LARGE1: variants seen among roughly 807,000 people sequenced by gnomAD.
The protein encoded by LARGE1 is LARGE xylosyl- and glucuronyltransferase 1, also known as xylosyl- and glucuronyltransferase LARGE1.
In LARGE1, 43 loss-of-function variants were observed where a neutral mutation model predicts 87.6. The observed-to-expected ratio is 0.49, with a 90% CI of 0.38 to 0.63. LARGE1 has a LOEUF of 0.63. LARGE1 is among the 30% of genes least tolerant of loss of function. The pLI, the probability that LARGE1 is intolerant of heterozygous loss-of-function variation, is 0.00. For synonymous variants in LARGE1, 434 were observed against 394.6 expected (o/e 1.10, Z -1.18); for missense variants, 802 against 1,000.2 (o/e 0.80, Z 2.67).
At chr22:33,395,158 G>A (rs1342874731) in intron 7 of LARGE1, among the ~76,000 whole-genome samples, 2 of 150,358 alleles carry the variant, frequency 1.3e-5, no homozygotes, top group Non-Finnish European at 2.9e-5. Context: ...GAACCCCGGA[G>A]GCGGAGCTTG....
the LARGE1 span, among the ~76,000 whole-genome samples, chr22:33,073,306 T>C: frequency 6.6e-6 from 1 of 152,148 alleles, no homozygotes; most frequent in African/African-American, 2.4e-5. Flanking sequence ...CTCTGTAGAG[T>C]GGGGCTGAAA....
chr22:33,283,282 T>C lies in LARGE1; in HGVS notation c.1797A>G (p.Thr599=). The change falls in exon 13 of 15, where the codon ACA becomes ACG. Residue 599 remains threonine (T), a synonymous_variant. Transcript: ENST00000397394. Reference sequence around the variant, plus strand: ...TGGGGAAGGACAGCCGGTAGCGCAGTGTCTCGAACGCGGGGACAATCATTG... The same window carrying C: ...TGGGGAAGGACAGCCGGTAGCGCAGCGTCTCGAACGCGGGGACAATCATTG... The part of the protein sequence containing the change: ...KKAMIVPAFE[T]LRYRLSFPKS... The C allele has an allele frequency of 6.2e-7, 1 of 1,614,152 alleles. No individual in the cohort carries two copies. Among genetic ancestry groups the C allele is most frequent in the Non-Finnish European group, 8.5e-7 (1 of 1,180,032 alleles).
At chr22:33,421,169 G>A (rs9609786) in intron 7 of LARGE1, among the ~76,000 whole-genome samples, 1 of 151,964 alleles carries the variant, frequency 6.6e-6, no homozygotes, top group African/African-American at 2.4e-5. Context: ...AGCCTTGGGC[G>A]ACAGAGTGAG....
the LARGE1 span, among the ~76,000 whole-genome samples, chr22:33,103,859 A>G: frequency 6.6e-6 from 1 of 152,180 alleles, no homozygotes; most frequent in African/African-American, 2.4e-5. Flanking sequence ...TTCTCGTGGT[A>G]GTGAATATGT....
intron 2 of LARGE1, among the ~76,000 whole-genome samples, chr22:33,655,176 T>A (rs535668532): frequency 5.3e-5 from 8 of 152,276 alleles, no homozygotes; most frequent in African/African-American, 1.2e-4. Context: ...TGTTTTTTTT[T>A]AAAGGTGTTT....
intron 7 of LARGE1, among the ~76,000 whole-genome samples, chr22:33,419,692 TTTTG>T (rs1393930708): frequency 4.6e-5 from 7 of 152,148 alleles, no homozygotes; most frequent in East Asian, 1.9e-4. Context: ...TGTTGTTGTT[TTTTG>T]TTTGTTTGTT....
chr22:33,630,167 C>G (rs967356982), intron 3 of LARGE1, among the ~76,000 whole-genome samples: 7 of 151,972 alleles, frequency 4.6e-5, no homozygotes, highest in African/African-American at 1.7e-4. Context: ...CCATTGCACT[C>G]CAGCCTGGGC....
At chr22:33,155,936 C>A in the LARGE1 span, among the ~76,000 whole-genome samples, 1 of 149,068 alleles carries the variant, frequency 6.7e-6, no homozygotes, top group African/African-American at 2.5e-5. Flanking sequence ...CAAGGTACAG[C>A]TCGGGCTGTT....
intron 2 of LARGE1, among the ~76,000 whole-genome samples, chr22:33,754,445 C>G (rs1302127786): frequency 2.6e-5 from 4 of 152,090 alleles, no homozygotes; most frequent in Admixed American, 2.6e-4. Context: ...ATGCCATTCA[C>G]CTGCCCCAGC....
intron 12 of LARGE1, among the ~76,000 whole-genome samples, chr22:33,289,946 T>A (rs1436316747): frequency 6.6e-6 from 1 of 151,928 alleles, no homozygotes; most frequent in Non-Finnish European, 1.5e-5. Flanking sequence ...GGAGGGGATG[T>A]GAGTGTGAGT....
chr22:33,823,139 T>C (rs192007664), intron 1 of LARGE1, among the ~76,000 whole-genome samples: 10 of 152,226 alleles, frequency 6.6e-5, no homozygotes, highest in Non-Finnish European at 1.0e-4. Context: ...CAAATATAAA[T>C]GATGTATTAA....
At chr22:33,670,944 G>GA (rs1461891320) in intron 2 of LARGE1, among the ~76,000 whole-genome samples, 2 of 152,110 alleles carry the variant, frequency 1.3e-5, no homozygotes, top group African/African-American at 2.4e-5. Flanking sequence ...CGGGTGCTGT[G>GA]AAAAAATTAC....
chr22:33,260,550 A>G (rs1285384044), intron 11 of LARGE1, among the ~76,000 whole-genome samples: 1 of 148,620 alleles, frequency 6.7e-6, no homozygotes, highest in Middle Eastern at 3.5e-3. Context: ...CGTCTATTTC[A>G]TAGGGTTTGC....
At chr22:33,472,612 C>A (rs181498244) in intron 6 of LARGE1, among the ~76,000 whole-genome samples, 1 of 152,264 alleles carries the variant, frequency 6.6e-6, no homozygotes, top group East Asian at 1.9e-4. Context: ...ACAATAGTCC[C>A]TTGCCTCTCA....
rs541187017 is a variant in LARGE1, at chr22:33,596,763, G to A, written c.615+7672C>T. ...AATATATGAAAGGCAGCCACATTAG[G>A]AACAAAAAGAAGAAAGCAAGATTTG... is the stretch of plus-strand genomic sequence containing the variant. On this transcript the variant is annotated intron_variant, in intron 5 of 14. Transcript: ENST00000397394. Among the ~76,000 whole-genome samples the A allele has an allele frequency of 7.2e-5, 11 of 152,254 alleles. No individual in the cohort carries two copies. In the South Asian group the frequency reaches 2.1e-3, roughly 29 times the overall value.
At chr22:33,424,654 G>A (rs5998938) in intron 7 of LARGE1, among the ~76,000 whole-genome samples, 35,744 of 151,714 alleles carry the variant, frequency 0.24, 5,890 homozygotes, top group African/African-American at 0.47. Flanking sequence ...GTGAGACCCT[G>A]TCTATATAAA....
At chr22:33,793,788 CTTTTT>C (rs60677740) in intron 1 of LARGE1, among the ~76,000 whole-genome samples, 1 of 148,792 alleles carries the variant, frequency 6.7e-6, no homozygotes, top group Admixed American at 6.7e-5. Flanking sequence ...CACCCCCCAA[CTTTTT>C]TTTTTTCATA....
rs1391368484 is a variant in LARGE1, at chr22:33,650,358, GCC to G, written c.408+7_408+8del. On this transcript the variant is annotated splice_region_variant and intron_variant, in intron 3 of 14. Transcript: ENST00000397394. ...ACAACTTCCTCCCCAGGCTCCAGATGCCCTTTACCTCGCATTTCTCCACGACC... is the reference window on the plus strand; with the variant it reads ...ACAACTTCCTCCCCAGGCTCCAGATGCTTTACCTCGCATTTCTCCACGACC... 1 of 1,614,012 alleles carries G rather than the reference GCC, an allele frequency of 6.2e-7. No homozygotes were observed. Among genetic ancestry groups the G allele is most frequent in the East Asian group, 2.2e-5 (1 of 44,876 alleles).
At chr22:33,726,296 A>C (rs1447611816) in intron 2 of LARGE1, 2 of 152,160 alleles carry the variant, frequency 1.3e-5, no homozygotes, top group African/African-American at 4.8e-5. Context: ...AATGGATGAA[A>C]AGTAGTCCTA....
Sources: allele counts gnomAD v4.1 joint callset (sites outside exome capture counted in the v4.1 genomes callset), GRCh38; gene constraint gnomAD v4.1.1; transcripts MANE v1.5; gene names NCBI Gene and HGNC (gene_info 2026-07-23, HGNC 2026-07-21).